The following CYP46A1 variants were observed in gnomAD, a reference collection of about 807,000 sequenced individuals.
CYP46A1 encodes cytochrome P450 family 46 subfamily A member 1, also known as cholesterol 24-hydroxylase.
In CYP46A1, 20 loss-of-function variants were observed where a neutral mutation model predicts 63.3. The observed-to-expected ratio is 0.32, with a 90% CI of 0.22 to 0.46. The LOEUF (loss-of-function observed/expected upper bound fraction) is 0.46, where lower values mean the gene tolerates loss of function less well. CYP46A1 is among the 20% of genes least tolerant of loss of function. The pLI, the probability that CYP46A1 is intolerant of heterozygous loss-of-function variation, is 1.00. For missense variants in CYP46A1, 445 were observed against 670.8 expected, an observed-to-expected ratio of 0.66 and a Z score of 3.72; for synonymous variants, 268 against 273.6, an observed-to-expected ratio of 0.98 and a Z score of 0.20.
chr14:99,721,151 G>C, intron 10 of CYP46A1, 88 bp from the exon 11 acceptor site: 1 of 905,928 alleles, frequency 1.1e-6, no homozygotes, highest in Non-Finnish European at 1.8e-6. Context: ...CTCTCTTCAC[G>C]CTTCCTTCCA....
At chr14:99,695,506 A>G in intron 3 of CYP46A1, 1 of 369,530 alleles carries the variant, frequency 2.7e-6, no homozygotes, top group Non-Finnish European at 5.4e-6. Context: ...ATTTGTCTTT[A>G]TGATGAATTG....
chr14:99,718,937 C>T (rs984105624), intron 10 of CYP46A1, among the ~76,000 whole-genome samples: 4 of 152,058 alleles, frequency 2.6e-5, no homozygotes, highest in Non-Finnish European at 4.4e-5. Context: ...ACCCACCCAG[C>T]GGCACTTCGC....
At chr14:99,720,040 G>A (rs957551319) in intron 10 of CYP46A1, among the ~76,000 whole-genome samples, 8 of 151,584 alleles carry the variant, frequency 5.3e-5, no homozygotes, top group Admixed American at 2.0e-4. Flanking sequence ...GGGATTACAG[G>A]CATGAGCCAC....
chr14:99,698,494 T>G (rs1279438826), intron 3 of CYP46A1, among the ~76,000 whole-genome samples: 1 of 152,140 alleles, frequency 6.6e-6, no homozygotes, highest in African/African-American at 2.4e-5. Flanking sequence ...TCTCAGCAAC[T>G]TGGGTTGACT....
intron 3 of CYP46A1, among the ~76,000 whole-genome samples, chr14:99,698,034 G>T (rs542161316): frequency 1.9e-4 from 29 of 152,210 alleles, no homozygotes; most frequent in Admixed American, 1.2e-3. Flanking sequence ...GGTTACATTT[G>T]AGGTCCCTGG....
chr14:99,722,782 C>T lies in CYP46A1; in HGVS notation c.1176+716C>T, dbSNP rs1022679945. ...TTTCTCCACAAGGCCGTAGGACAAC[C>T]ACCATCGCTGATCAGTTCTCAGGTG... On this transcript the variant is annotated intron_variant, in intron 12 of 14. Transcript: ENST00000261835. This position sits in a 1 kb window ranked among gnomAD's most constrained non-coding sequence, Gnocchi z 4.6. The T allele has an allele frequency of 1.2e-5, 4 of 346,816 alleles. No individual in the cohort carries two copies. The highest frequency in any genetic ancestry group is 4.2e-5 in the African/African-American group (2 of 47,888). 21.5% of individuals were successfully genotyped at this position (346,816 alleles called of 1,614,324 possible). A position where few individuals can be genotyped will look rare whatever the true frequency, so the allele number is the denominator to read the frequency against.
At chr14:99,702,151 C>A (rs921605382) in intron 5 of CYP46A1, among the ~76,000 whole-genome samples, 2 of 151,278 alleles carry the variant, frequency 1.3e-5, no homozygotes, top group East Asian at 3.9e-4. Flanking sequence ...TAATTACCTT[C>A]TTTGTCTATG....
At chr14:99,714,960 A>G (rs2056774738) in intron 7 of CYP46A1, among the ~76,000 whole-genome samples, 1 of 152,128 alleles carries the variant, frequency 6.6e-6, no homozygotes, top group Non-Finnish European at 1.5e-5. Flanking sequence ...AGTTGATCTC[A>G]TGGAGGTAAA....
intron 1 of CYP46A1, among the ~76,000 whole-genome samples, chr14:99,690,196 C>T (rs1286417803): frequency 6.6e-6 from 1 of 152,214 alleles, no homozygotes; most frequent in African/African-American, 2.4e-5. Flanking sequence ...CCTGAGGTTG[C>T]AATTTTTTGA....
intron 3 of CYP46A1, chr14:99,695,500 G>C (rs1228854164): frequency 5.3e-6 from 2 of 375,310 alleles, no homozygotes; most frequent in Non-Finnish European, 1.1e-5. Flanking sequence ...GGATGGATTT[G>C]TCTTTATGAT....
rs77698059 is a variant in CYP46A1, at chr14:99,714,127, A to G, written c.694-1683A>G. Among the ~76,000 whole-genome samples the G allele has an allele frequency of 1.7e-4, 26 of 152,350 alleles. No homozygotes were observed. In the East Asian group the frequency reaches 3.9e-3, roughly 23 times the overall value. On this transcript the variant is annotated intron_variant, in intron 7 of 14. Transcript: ENST00000261835. The stretch of plus-strand genomic sequence containing the variant: ...CAAATGGCCAAGAGGTATATGAAAA[A>G]ATGTTCAACGTCACTAATCATCAGA...
chr14:99,718,234 TCCC>T (rs2056810594), intron 10 of CYP46A1, 108 bp downstream of exon 10: 1 of 902,106 alleles, frequency 1.1e-6, no homozygotes, highest in South Asian at 1.5e-5. Flanking sequence ...ATGCCCTGCT[TCCC>T]CTGGGCCTTG....
chr14:99,689,503 C>A (rs1175087093), intron 1 of CYP46A1, among the ~76,000 whole-genome samples: 1 of 152,158 alleles, frequency 6.6e-6, no homozygotes, highest in Non-Finnish European at 1.5e-5. Flanking sequence ...AAAGTGGGTT[C>A]ATCTCCTGTG....
chr14:99,695,269 GTTGAA>G (rs1412898491), intron 3 of CYP46A1, among the ~76,000 whole-genome samples: 21 of 152,198 alleles, frequency 1.4e-4, no homozygotes, highest in Non-Finnish European at 8.8e-5. Context: ...TTGTGTTATT[GTTGAA>G]TAAAGTGTTT....
intron 14 of CYP46A1, 50 bp from the exon 15 acceptor site, chr14:99,726,505 TCA>T: frequency 6.8e-7 from 1 of 1,467,776 alleles, no homozygotes; most frequent in Non-Finnish European, 9.1e-7. Flanking sequence ...ATTCACTCAC[TCA>T]TTCTGTCTTT....
chr14:99,688,544 C>A (rs989369730), intron 1 of CYP46A1, among the ~76,000 whole-genome samples: 44 of 152,186 alleles, frequency 2.9e-4, no homozygotes, highest in African/African-American at 9.2e-4. Flanking sequence ...CAACCTGCCC[C>A]CTCTGCTCAG....
intron 11 of CYP46A1, 115 bp from the exon 12 acceptor site, chr14:99,721,841 G>A: frequency 1.3e-6 from 1 of 746,168 alleles, no homozygotes; most frequent in Non-Finnish European, 2.3e-6. Flanking sequence ...GCCAGGGTGA[G>A]GGTATGCACT....
At chr14:99,715,665 G>T (rs2056781615) in intron 7 of CYP46A1, 145 bp from the exon 8 acceptor site, 6 of 1,037,364 alleles carry the variant, frequency 5.8e-6, no homozygotes, top group Non-Finnish European at 8.4e-6. Flanking sequence ...AGTCTCCCTG[G>T]CTGCTTCATC....
chr14:99,718,022 T>C, intron 9 of CYP46A1, 32 bp from the exon 10 acceptor site: 3 of 1,578,086 alleles, frequency 1.9e-6, no homozygotes, highest in Non-Finnish European at 2.6e-6. Flanking sequence ...TGTGGCCCCA[T>C]GTGGAGCAAC....
Sources: allele counts gnomAD v4.1 joint callset (sites outside exome capture counted in the v4.1 genomes callset), GRCh38; gene constraint gnomAD v4.1.1; non-coding constraint Gnocchi (gnomAD v3.1); transcripts MANE v1.5; gene names NCBI Gene and HGNC (gene_info 2026-07-23, HGNC 2026-07-21).